Variants in RABGAP1L observed in about 807,000 individuals in gnomAD.
RABGAP1L encodes the protein RAB GTPase activating protein 1 like.
In RABGAP1L, 63 loss-of-function variants were observed where a neutral mutation model predicts 137.7. The ratio of observed to expected loss-of-function variants is 0.46; its 90% confidence interval spans 0.37 to 0.56. The LOEUF is 0.56. RABGAP1L is among the 20% of genes least tolerant of loss of function. RABGAP1L has a pLI of 0.00. For missense variants in RABGAP1L, 1,095 were observed against 1,244.0 expected, an observed-to-expected ratio of 0.88 and a Z score of 1.80; for synonymous variants, 431 against 433.7, an observed-to-expected ratio of 0.99 and a Z score of 0.08.
intron 15 of RABGAP1L, among the ~76,000 whole-genome samples, chr1:174,691,251 C>G (rs1029137576): frequency 6.6e-6 from 1 of 152,168 alleles, no homozygotes; most frequent in African/African-American, 2.4e-5. Flanking sequence ...TAGTTTTACA[C>G]TAACTATGGG....
chr1:174,650,504 A>G (rs1675384027), intron 14 of RABGAP1L, among the ~76,000 whole-genome samples: 1 of 152,022 alleles, frequency 6.6e-6, no homozygotes, highest in African/African-American at 2.4e-5. Context: ...TATTGCCACA[A>G]TTTCAGAGCC....
At chr1:174,221,287 C>G in intron 3 of RABGAP1L, 123 bp downstream of exon 3, 3 of 770,892 alleles carry the variant, frequency 3.9e-6, no homozygotes, top group Non-Finnish European at 6.0e-6. Context: ...TTGAGAGTTT[C>G]CACTTCGGTG....
In RABGAP1L at chr1:174,631,762, C is replaced by A. The variant is rs28885502; in HGVS notation, c.1711-5613C>A. On this transcript the variant is annotated intron_variant, in intron 13 of 25. Coordinates refer to ENST00000681986, the MANE Select transcript of RABGAP1L (RefSeq NM_001366446.1). The stretch of plus-strand genomic sequence containing the variant: ...ATTTGCTTGGTAGATCTTCCTCCAT[C>A]CTTTTATTTTGAGCCTATGTATGTC... Among the ~76,000 whole-genome samples the A allele has an allele frequency of 9.9e-3, 1,456 of 147,160 alleles. 19 individuals carry two copies. The highest frequency in any genetic ancestry group is 0.034 in the African/African-American group (1,367 of 39,822).
intron 14 of RABGAP1L, among the ~76,000 whole-genome samples, chr1:174,648,283 T>G (rs1000034359): frequency 3.9e-5 from 6 of 152,166 alleles, no homozygotes; most frequent in Non-Finnish European, 8.8e-5. Context: ...CCTAGTTCTT[T>G]TAATTGTGAT....
intron 8 of RABGAP1L, among the ~76,000 whole-genome samples, chr1:174,273,446 A>G (rs1012580369): frequency 2.0e-5 from 3 of 152,040 alleles, no homozygotes; most frequent in Admixed American, 6.6e-5. Context: ...ACTTCAAGCC[A>G]CAGAAATATA....
In RABGAP1L at chr1:174,327,964, TATATATATATATATACACACAC is replaced by T. The variant is rs1356952383; in HGVS notation, c.1465+22853_1465+22874del. Among the ~76,000 whole-genome samples the T allele has an allele frequency of 6.5e-4, 9 of 13,906 alleles. 1 individual carries two copies. Among genetic ancestry groups the T allele is most frequent in the African/African-American group, 5.2e-3 (9 of 1,740 alleles). 9.1% of individuals were successfully genotyped at this position (13,906 alleles called of 152,430 possible). A position where few individuals can be genotyped will look rare whatever the true frequency, so the allele number is the denominator to read the frequency against. On this transcript the variant is annotated intron_variant, in intron 11 of 25. Coordinates refer to ENST00000681986, the MANE Select transcript of RABGAP1L (RefSeq NM_001366446.1). ...AGGATATAACAGTTGTAAATATATA[TATATATATATATATACACACAC>T]ATATATATATATATATATATATATA... is the stretch of plus-strand genomic sequence containing the variant.
intron 1 of RABGAP1L, among the ~76,000 whole-genome samples, chr1:174,207,955 C>T (rs1668614377): frequency 6.6e-6 from 1 of 152,152 alleles, no homozygotes; most frequent in East Asian, 1.9e-4. Flanking sequence ...GAATCAAGTA[C>T]TCAAGTTGGG....
chr1:174,532,971 A>G (rs1314293926), intron 13 of RABGAP1L, among the ~76,000 whole-genome samples: 4 of 152,242 alleles, frequency 2.6e-5, no homozygotes. Flanking sequence ...ACAGTGGCTT[A>G]CGCCTGTAAT....
intron 13 of RABGAP1L, among the ~76,000 whole-genome samples, chr1:174,488,695 T>A (rs1473469479): frequency 6.6e-6 from 1 of 152,020 alleles, no homozygotes; most frequent in Non-Finnish European, 1.5e-5. Flanking sequence ...TCTGTAAATC[T>A]TCTAGGTGTG....
chr1:174,362,023 G>C (rs1684187114), intron 11 of RABGAP1L, among the ~76,000 whole-genome samples: 2 of 152,208 alleles, frequency 1.3e-5, no homozygotes, highest in South Asian at 4.1e-4. Flanking sequence ...TTACAAGTGA[G>C]AACATGCACT....
chr1:174,367,650 C>A, intron 11 of RABGAP1L: 1 of 259,374 alleles, frequency 3.9e-6, no homozygotes. Flanking sequence ...CTTTTTAACA[C>A]TGGAAAATAG....
intron 13 of RABGAP1L, among the ~76,000 whole-genome samples, chr1:174,394,525 A>G (rs1380391464): frequency 6.6e-6 from 1 of 152,232 alleles, no homozygotes; most frequent in Non-Finnish European, 1.5e-5. Flanking sequence ...AAATGAAATT[A>G]AAAATTCTTC....
chr1:174,170,082 G>C (rs966988823), intron 1 of RABGAP1L, among the ~76,000 whole-genome samples: 1 of 152,156 alleles, frequency 6.6e-6, no homozygotes, highest in Non-Finnish European at 1.5e-5. Context: ...TACTTAAAAT[G>C]CAAGTAACTA....
intron 13 of RABGAP1L, among the ~76,000 whole-genome samples, chr1:174,547,017 G>C (rs372312584): frequency 9.3e-6 from 1 of 107,254 alleles, no homozygotes; most frequent in Non-Finnish European, 1.7e-5. Context: ...GCGAAAGAGC[G>C]AGACTCTGTC....
intron 18 of RABGAP1L, among the ~76,000 whole-genome samples, chr1:174,800,871 T>C (rs1447207060): frequency 6.6e-6 from 1 of 152,248 alleles, no homozygotes; most frequent in African/African-American, 2.4e-5. Context: ...ACAACAGACA[T>C]AGCAACTTAT....
intron 14 of RABGAP1L, among the ~76,000 whole-genome samples, chr1:174,673,169 A>G (rs1356166218): frequency 1.3e-5 from 2 of 152,150 alleles, no homozygotes; most frequent in Admixed American, 6.5e-5. Flanking sequence ...AAATATAACT[A>G]TATAAATTAA....
At chr1:174,550,283 A>G (rs953044326) in intron 13 of RABGAP1L, among the ~76,000 whole-genome samples, 4 of 152,216 alleles carry the variant, frequency 2.6e-5, no homozygotes, top group African/African-American at 4.8e-5. Flanking sequence ...GGAAAGGACT[A>G]TTCTTTGAAC....
At chr1:174,365,077 G>A (rs891306712) in intron 11 of RABGAP1L, among the ~76,000 whole-genome samples, 1 of 152,186 alleles carries the variant, frequency 6.6e-6, no homozygotes, top group African/African-American at 2.4e-5. Context: ...CATGCTGGGA[G>A]CTTCACTGCC....
At chr1:174,706,728 C>T (rs888493615) in intron 17 of RABGAP1L, among the ~76,000 whole-genome samples, 1 of 152,208 alleles carries the variant, frequency 6.6e-6, no homozygotes, top group African/African-American at 2.4e-5. Context: ...TTCCCCTTCA[C>T]TGCCCTTTTC....
Sources: allele counts gnomAD v4.1 joint callset (sites outside exome capture counted in the v4.1 genomes callset), GRCh38; gene constraint gnomAD v4.1.1; transcripts MANE v1.5; gene names NCBI Gene and HGNC (gene_info 2026-07-23, HGNC 2026-07-21).